Variants in IFI44L observed in about 807,000 individuals in gnomAD.
IFI44L encodes the protein interferon induced protein 44 like, also known as interferon-induced protein 44-like.
IFI44L carries 40 observed loss-of-function variants against 39.3 expected under a neutral mutation model. That is an observed-to-expected ratio of 1.02 (90% CI 0.79 to 1.33). IFI44L has a LOEUF of 1.33. IFI44L is among the 40% of genes most tolerant of loss of function. IFI44L has a pLI of 0.00. For missense variants in IFI44L, 623 were observed against 549.0 expected (o/e 1.13, Z -1.35); for synonymous variants, 198 against 182.3 (o/e 1.09, Z -0.69).
chr1:78,636,729 C>A lies in IFI44L; in HGVS notation c.877-303C>A, dbSNP rs1369049848. On this transcript the variant is annotated intron_variant, in intron 5 of 8. Coordinates refer to ENST00000370751, the MANE Select transcript of IFI44L (RefSeq NM_006820.4). ...TAACAAACGTTAATGGTGTTTATTT[C>A]TGGATACTAGGATTTGAAATTAGCT... 1.8e-5 allele frequency: 5 copies of A among 271,138 alleles called. No homozygotes were observed. The South Asian group carries it at 3.4e-4, about 18-fold the overall frequency. 16.8% of individuals were successfully genotyped at this position (271,138 alleles called of 1,614,324 possible).
At position 78,644,500 on chromosome 1, in the gene IFI44L, A is replaced by G. The variant is rs2100409743; in HGVS notation, c.*2691A>G. 1 of 152,314 alleles carries G rather than the reference A, an allele frequency of 6.6e-6. No individual in the cohort carries two copies. Among genetic ancestry groups the G allele is most frequent in the Admixed American group, 6.5e-5 (1 of 15,294 alleles). 9.4% of individuals were successfully genotyped at this position (152,314 alleles called of 1,614,324 possible). A position where few individuals can be genotyped will look rare whatever the true frequency, so the allele number is the denominator to read the frequency against. On this transcript the variant is annotated 3_prime_UTR_variant, in exon 9 of 9. Transcript: ENST00000370751. ...AAATGGAGTTAAATACATATTTGAA[A>G]TTTAGGTTAGGAAATATTGGTGAGG...
At chr1:78,628,430 G>C (rs1274015581) in intron 2 of IFI44L, 37 bp downstream of exon 2, 2 of 1,174,822 alleles carry the variant, frequency 1.7e-6, no homozygotes, top group East Asian at 2.4e-5. Flanking sequence ...CTCACATTAT[G>C]ATTCTAATCC....
At chr1:78,639,613 T>C (rs1020105932) in intron 6 of IFI44L, among the ~76,000 whole-genome samples, 9 of 152,124 alleles carry the variant, frequency 5.9e-5, no homozygotes, top group African/African-American at 2.2e-4. Context: ...TCTAGCCAAA[T>C]TGCATTATCT....
intron 4 of IFI44L, among the ~76,000 whole-genome samples, chr1:78,634,644 T>G (rs2100497020): frequency 6.6e-6 from 1 of 152,176 alleles, no homozygotes; most frequent in African/African-American, 2.4e-5. Flanking sequence ...TATCTGAAAG[T>G]ATAAAACTCA....
rs1652919828 is a variant in IFI44L at position 78,635,574 on chromosome 1, A to C, written c.876+85A>C. ...ATTTTTAACCACATAAGGCAATTTCAACTCCCATAATGTGGTTTCAACATC... is the reference window on the plus strand; with the variant it reads ...ATTTTTAACCACATAAGGCAATTTCCACTCCCATAATGTGGTTTCAACATC... On this transcript the variant is annotated intron_variant, in intron 5 of 8. Transcript: ENST00000370751. 3 of 1,234,842 alleles carry C rather than the reference A, an allele frequency of 2.4e-6. No homozygotes were observed. In the East Asian group the frequency reaches 7.1e-5, roughly 29 times the overall value. The allele number at this position is 1,234,842 out of a possible 1,614,324, so 76.5% of individuals were successfully genotyped here.
rs886532970 is a variant in IFI44L, at chr1:78,628,970, C to T, written c.498C>T (p.Asp166=). ...FRVEGIKDNL[D]DIKRIIKARE... ...CTATAGGAATTAAGGATAACCTAGA[C>T]GACATAAAGAGGATAATTAAAGCCA... is the stretch of plus-strand genomic sequence containing the variant. Residue 166 remains aspartate (D), a synonymous_variant, in exon 3 of 9, where the codon GAC becomes GAT. Coordinates refer to ENST00000370751, the MANE Select transcript of IFI44L (RefSeq NM_006820.4). The T allele has an allele frequency of 4.2e-5, 66 of 1,580,976 alleles. No individual in the cohort carries two copies. In the Middle Eastern group the frequency reaches 8.4e-4, roughly 20 times the overall value.
chr1:78,633,485 A>G (rs1652830248), intron 4 of IFI44L, among the ~76,000 whole-genome samples: 1 of 152,174 alleles, frequency 6.6e-6, no homozygotes. Context: ...CCTGAGCTTT[A>G]CGCATGCCTC....
chr1:78,624,833 C>T (rs866184657), intron 1 of IFI44L, among the ~76,000 whole-genome samples: 9 of 152,120 alleles, frequency 5.9e-5, no homozygotes, highest in Admixed American at 1.3e-4. Flanking sequence ...ATATGATGTC[C>T]TTCATAGCCT....
At position 78,641,841 on chromosome 1, in the gene IFI44L, A is replaced by G. The variant is rs1216711557; in HGVS notation, c.*32A>G. Reference sequence around the variant, plus strand: ...TTGCCTTGATTCTGACATTTGGCCCAGCCTGTACTGGTGTGCCGCAATGAG... The same window carrying G: ...TTGCCTTGATTCTGACATTTGGCCCGGCCTGTACTGGTGTGCCGCAATGAG... On this transcript the variant is annotated 3_prime_UTR_variant, in exon 9 of 9. Transcript: ENST00000370751. 6.2e-7 allele frequency: 1 copy of G among 1,608,146 alleles called. No individual in the cohort carries two copies. The highest frequency in any genetic ancestry group is 8.5e-7 in the Non-Finnish European group (1 of 1,174,658).
In IFI44L at chr1:78,629,875, A is replaced by T. The variant is rs1290849843; in HGVS notation, c.683A>T (p.Gln228Leu). The T allele has an allele frequency of 1.3e-5, 21 of 1,613,710 alleles. No individual in the cohort carries two copies. The highest frequency in any genetic ancestry group is 1.8e-5 in the Non-Finnish European group (21 of 1,179,826). ...KSIFHGHVTGQAVVGSDITSI... is the reference protein window; with the variant it reads ...KSIFHGHVTGLAVVGSDITSI... ...ATTTTTCATGGCCATGTGACTGGCC[A>T]AGCCGTAGTGGGGTCTGATATCACC... Residue 228 changes from glutamine to leucine, a missense_variant, in exon 4 of 9, where the codon CAA becomes CTA. Coordinates refer to ENST00000370751, the MANE Select transcript of IFI44L (RefSeq NM_006820.4).
chr1:78,635,188 A>G (rs77896093), intron 4 of IFI44L, 149 bp from the exon 5 acceptor site: 4 of 505,014 alleles, frequency 7.9e-6, no homozygotes, highest in Middle Eastern at 5.0e-4. Flanking sequence ...GGGATTCTCA[A>G]TAACTTTTAA....
intron 2 of IFI44L, chr1:78,628,623 A>T (rs1177903539): frequency 1.9e-6 from 1 of 529,762 alleles, no homozygotes; most frequent in Non-Finnish European, 3.3e-6. Context: ...ATGTGCAGAG[A>T]TAGAGATGAC....
intron 4 of IFI44L, among the ~76,000 whole-genome samples, chr1:78,633,336 C>T (rs925795362): frequency 1.3e-5 from 2 of 152,192 alleles, no homozygotes; most frequent in African/African-American, 2.4e-5. Flanking sequence ...GCCTCTAGCC[C>T]CATGCTGGTG....
At chr1:78,630,827 T>A (rs1652722803) in intron 4 of IFI44L, among the ~76,000 whole-genome samples, 1 of 152,130 alleles carries the variant, frequency 6.6e-6, no homozygotes, top group South Asian at 2.1e-4. Flanking sequence ...TTTATTTTAA[T>A]ATATTAGTGT....
intron 4 of IFI44L, chr1:78,631,612 T>G (rs988687097): frequency 1.3e-5 from 2 of 152,164 alleles, no homozygotes; most frequent in African/African-American, 2.4e-5. Context: ...TATCTGACCA[T>G]CAAATAAAAT....
chr1:78,637,242 A>G (rs1652984445), intron 6 of IFI44L, 39 bp downstream of exon 6: 1 of 1,442,516 alleles, frequency 6.9e-7, no homozygotes, highest in Non-Finnish European at 9.5e-7. Context: ...TTACTTTGAA[A>G]TAATTATAGA....
At chr1:78,625,867 C>T (rs1198378630) in intron 1 of IFI44L, 3 of 151,714 alleles carry the variant, frequency 2.0e-5, no homozygotes, top group Non-Finnish European at 2.9e-5. Context: ...ATTATGATTT[C>T]TTATGTGAAT....
Position 78,628,214 on chromosome 1 carries a change from T to G in IFI44L, c.299T>G (p.Leu100Arg), listed in dbSNP as rs1291039834. 7 of 1,612,838 alleles carry G rather than the reference T, an allele frequency of 4.3e-6. No individual in the cohort carries two copies. The highest frequency in any genetic ancestry group is 5.9e-6 in the Non-Finnish European group (7 of 1,179,480). Residue 100 changes from leucine (L) to arginine (R), a missense_variant, in exon 2 of 9, where the codon CTC becomes CGC. Physicochemically the swap from Leu to Arg is moderately radical, Grantham distance 102. Coordinates refer to ENST00000370751, the MANE Select transcript of IFI44L (RefSeq NM_006820.4). Reference protein sequence around the residue: ...KNDTTEIETLLLNTAPKIIDE... With the variant: ...KNDTTEIETLRLNTAPKIIDE... Reference sequence around the variant, plus strand: ...GACACCACTGAAATAGAAACTTTACTCTTAAATACAGCACCAAAAATTATT... The same window carrying G: ...GACACCACTGAAATAGAAACTTTACGCTTAAATACAGCACCAAAAATTATT...
At chr1:78,628,867 C>T in intron 2 of IFI44L, 84 bp from the exon 3 acceptor site, 1 of 921,684 alleles carries the variant, frequency 1.1e-6, no homozygotes, top group East Asian at 2.4e-5. Flanking sequence ...CAAGAAAACT[C>T]CATGTCTTAT....
Sources: gnomAD v4.1 joint callset for allele counts (sites outside exome capture counted in the v4.1 genomes callset) on GRCh38, gnomAD v4.1.1 for gene constraint, MANE v1.5 for transcripts, NCBI Gene and HGNC (gene_info 2026-07-23, HGNC 2026-07-21) for gene names.